PARD3B: variants seen among roughly 807,000 people sequenced by gnomAD.
The protein encoded by PARD3B is partitioning defective 3 homolog B.
In PARD3B, 103 loss-of-function variants were observed where a neutral mutation model predicts 130.2. The ratio of observed to expected loss-of-function variants is 0.79; its 90% confidence interval spans 0.67 to 0.93. The LOEUF (loss-of-function observed/expected upper bound fraction) is 0.93, where lower values mean the gene tolerates loss of function less well. Among genes scored for constraint, PARD3B ranks in the 40% least tolerant of loss-of-function variants. PARD3B has a pLI of 0.00. For synonymous variants in PARD3B, 583 were observed against 553.2 expected, an observed-to-expected ratio of 1.05 and a Z score of -0.76; for missense variants, 1,609 against 1,499.2, an observed-to-expected ratio of 1.07 and a Z score of -1.21.
At chr2:205,322,100 C>G (rs2042771851) in intron 18 of PARD3B, among the ~76,000 whole-genome samples, 1 of 152,206 alleles carries the variant, frequency 6.6e-6, no homozygotes, top group African/African-American at 2.4e-5. Context: ...GGAGGGAAGG[C>G]TGGAGAAGCC....
chr2:205,024,930 A>G (rs1696903216), intron 3 of PARD3B, among the ~76,000 whole-genome samples: 1 of 152,100 alleles, frequency 6.6e-6, no homozygotes, highest in Non-Finnish European at 1.5e-5. Flanking sequence ...GCCGTTTGGT[A>G]TGTGGAAAAG....
chr2:204,800,943 T>A (rs1471354534), intron 2 of PARD3B, among the ~76,000 whole-genome samples: 2 of 152,212 alleles, frequency 1.3e-5, no homozygotes, highest in African/African-American at 4.8e-5. Context: ...TAGCCAGTTT[T>A]CCCAACAGTA....
Position 205,253,898 on chromosome 2 carries a change from C to CA in PARD3B, c.2185+8081dup, listed in dbSNP as rs1432233913. ...GAGAACTGCATTTCAATTAAGAAAA[C>CA]AAAAACAAAAACACCACAGAGGTGG... On this transcript the variant is annotated intron_variant, in intron 16 of 22. Transcript: ENST00000406610. This position sits in a 1 kb window ranked among gnomAD's most constrained non-coding sequence, Gnocchi z 4.4. Among the ~76,000 whole-genome samples, 4 of 151,560 alleles carry CA rather than the reference C, an allele frequency of 2.6e-5. No individual in the cohort carries two copies. The highest frequency in any genetic ancestry group is 7.3e-5 in the African/African-American group (3 of 41,280).
intron 18 of PARD3B, among the ~76,000 whole-genome samples, chr2:205,332,299 G>A (rs899638982): frequency 2.0e-5 from 3 of 152,068 alleles, no homozygotes; most frequent in East Asian, 1.9e-4. Context: ...ATCCATACTC[G>A]TAAACTGTAT....
intron 2 of PARD3B, among the ~76,000 whole-genome samples, chr2:204,739,263 C>T (rs1361989194): frequency 6.6e-6 from 1 of 151,962 alleles, no homozygotes; most frequent in Non-Finnish European, 1.5e-5. Flanking sequence ...TGATTGTGCC[C>T]CAGTATCTAT....
chr2:205,522,034 C>CTTTTCTGTAAAATTAT (rs2051085487), intron 21 of PARD3B, among the ~76,000 whole-genome samples: 1 of 151,654 alleles, frequency 6.6e-6, no homozygotes, highest in African/African-American at 2.4e-5. Context: ...GGAAATCTGC[C>CTTTTCTGTAAAATTAT]TTTTCTGTAA....
intron 20 of PARD3B, among the ~76,000 whole-genome samples, chr2:205,496,525 A>T (rs995250105): frequency 2.0e-5 from 3 of 152,134 alleles, no homozygotes; most frequent in Non-Finnish European, 4.4e-5. Context: ...TAGATGGTCC[A>T]TGACTTTCTG....
chr2:204,587,751 C>T (rs1367061614), intron 1 of PARD3B, among the ~76,000 whole-genome samples: 1 of 152,156 alleles, frequency 6.6e-6, no homozygotes, highest in Non-Finnish European at 1.5e-5. Flanking sequence ...CAAATCTCAT[C>T]CTGAACTATA....
At chr2:205,377,917 C>T (rs1421479553) in intron 18 of PARD3B, among the ~76,000 whole-genome samples, 1 of 151,866 alleles carries the variant, frequency 6.6e-6, no homozygotes, top group Non-Finnish European at 1.5e-5. Flanking sequence ...ACTGCAGCCA[C>T]GTGCCACCAC....
chr2:205,019,379 A>G (rs1270731767), intron 3 of PARD3B, among the ~76,000 whole-genome samples: 1 of 152,122 alleles, frequency 6.6e-6, no homozygotes, highest in Non-Finnish European at 1.5e-5. Flanking sequence ...TTATTTGTTC[A>G]TTTATAAGTT....
intron 2 of PARD3B, among the ~76,000 whole-genome samples, chr2:204,715,399 C>A (rs2038670522): frequency 1.3e-5 from 2 of 151,644 alleles, no homozygotes; most frequent in African/African-American, 4.8e-5. Flanking sequence ...TTTCACCAGA[C>A]AAGAATTTGT....
At chr2:205,120,841 A>C (rs1049880838) in intron 7 of PARD3B, among the ~76,000 whole-genome samples, 1 of 152,242 alleles carries the variant, frequency 6.6e-6, no homozygotes, top group East Asian at 1.9e-4. Flanking sequence ...GCCTTCATTT[A>C]TATCTTCTGG....
intron 19 of PARD3B, among the ~76,000 whole-genome samples, chr2:205,420,704 G>A (rs1318002764): frequency 6.6e-6 from 1 of 152,206 alleles, no homozygotes; most frequent in East Asian, 1.9e-4. Flanking sequence ...AGGGATGAAT[G>A]CATATTGGAA....
chr2:205,514,644 A>C (rs953716219), intron 21 of PARD3B, among the ~76,000 whole-genome samples: 1 of 152,056 alleles, frequency 6.6e-6, no homozygotes, highest in Non-Finnish European at 1.5e-5. Context: ...CATATATTTA[A>C]ATGAATTTTA....
intron 2 of PARD3B, among the ~76,000 whole-genome samples, chr2:204,708,923 A>C (rs1191562127): frequency 1.3e-5 from 2 of 152,204 alleles, no homozygotes; most frequent in Non-Finnish European, 2.9e-5. Context: ...GGAATGCTAA[A>C]AGATATTGTT....
intron 1 of PARD3B, among the ~76,000 whole-genome samples, chr2:204,654,316 T>G (rs2035577572): frequency 6.6e-6 from 1 of 151,280 alleles, no homozygotes; most frequent in Admixed American, 6.6e-5. Flanking sequence ...TAAAAGGGGT[T>G]AGTTTCTAAT....
At chr2:204,826,051 G>C (rs1325249781) in intron 2 of PARD3B, among the ~76,000 whole-genome samples, 1 of 152,148 alleles carries the variant, frequency 6.6e-6, no homozygotes, top group Non-Finnish European at 1.5e-5. Context: ...TGCTTTTTCT[G>C]AGGAAATTCC....
intron 2 of PARD3B, among the ~76,000 whole-genome samples, chr2:204,830,563 A>G (rs533395041): frequency 4.8e-4 from 73 of 152,332 alleles, no homozygotes; most frequent in African/African-American, 1.7e-3. Flanking sequence ...CTAAGAAACT[A>G]TTTTAATGAA....
chr2:205,578,447 A>G (rs1228391827), intron 22 of PARD3B, among the ~76,000 whole-genome samples: 2 of 148,224 alleles, frequency 1.3e-5, no homozygotes, highest in Non-Finnish European at 2.9e-5. Flanking sequence ...CACATCTATA[A>G]CCCTACAATC....
Sources: gnomAD v4.1 joint callset for allele counts (sites outside exome capture counted in the v4.1 genomes callset) on GRCh38, gnomAD v4.1.1 for gene constraint, Gnocchi (gnomAD v3.1) non-coding constraint, MANE v1.5 for transcripts, NCBI Gene and HGNC (gene_info 2026-07-23, HGNC 2026-07-21) for gene names.